Variants in SLC1A4 observed in about 807,000 individuals in gnomAD.
SLC1A4 encodes the protein solute carrier family 1 member 4, also known as neutral amino acid transporter A.
A neutral mutation model predicts 37.7 loss-of-function variants in SLC1A4; 19 were observed. The ratio of observed to expected loss-of-function variants is 0.50; its 90% CI spans 0.35 to 0.74. SLC1A4 has a LOEUF of 0.74. Ranked by LOEUF, SLC1A4 falls within the 30% of genes least tolerant of loss-of-function variation. SLC1A4 has a pLI of 0.01. For missense variants in SLC1A4, 570 were observed against 712.9 expected, an observed-to-expected ratio of 0.80 and a Z score of 2.28; for synonymous variants, 299 against 309.8, an observed-to-expected ratio of 0.97 and a Z score of 0.37.
In SLC1A4 at chr2:65,002,570, C is replaced by CTTTTTTTTTTTTTTTT. The variant is rs70937394; in HGVS notation, c.570+1090_570+1105dup. 4.2e-4 allele frequency among the ~76,000 whole-genome samples: 25 copies of CTTTTTTTTTTTTTTTT among 59,046 alleles called. 2 individuals are homozygous for CTTTTTTTTTTTTTTTT. Among genetic ancestry groups the CTTTTTTTTTTTTTTTT allele is most frequent in the South Asian group, 1.4e-3 (2 of 1,448 alleles). 38.7% of individuals were successfully genotyped at this position (59,046 alleles called of 152,430 possible). A position where few individuals can be genotyped will look rare whatever the true frequency, so the allele number is the denominator to read the frequency against. On this transcript the variant is annotated intron_variant, in intron 2 of 7. Transcript: ENST00000234256. ...TGCAAGTAACAGTCCTGTGACCATTCTTTTTTTTTTTTTTTTTTTTTTTTT... is the reference window on the plus strand; with the variant it reads ...TGCAAGTAACAGTCCTGTGACCATTCTTTTTTTTTTTTTTTTTTTTTTTTTTTTTTTTTTTTTTTTT...
At chr2:65,001,518 T>C in intron 2 of SLC1A4, 28 bp downstream of exon 2, 2 of 1,601,368 alleles carry the variant, frequency 1.2e-6, no homozygotes, top group Non-Finnish European at 1.7e-6. Flanking sequence ...GCTAAAAATA[T>C]GAAACTTTGA....
intron 1 of SLC1A4, among the ~76,000 whole-genome samples, chr2:64,998,504 C>T (rs1307447498): frequency 1.3e-5 from 2 of 151,730 alleles, no homozygotes; most frequent in African/African-American, 2.4e-5. Context: ...TGTCAAAACA[C>T]ATCACATTTT....
chr2:65,008,457 G>C (rs536296706), intron 3 of SLC1A4, among the ~76,000 whole-genome samples: 1 of 152,116 alleles, frequency 6.6e-6, no homozygotes. Flanking sequence ...GGGCAATTTA[G>C]GGAGATCCCA....
chr2:64,991,962 A>G (rs1399917126), intron 1 of SLC1A4, among the ~76,000 whole-genome samples: 1 of 152,186 alleles, frequency 6.6e-6, no homozygotes, highest in Non-Finnish European at 1.5e-5. Flanking sequence ...AGGCTGGTCT[A>G]GATCACAGCC....
At chr2:64,997,656 A>G (rs890593256) in intron 1 of SLC1A4, among the ~76,000 whole-genome samples, 1 of 152,076 alleles carries the variant, frequency 6.6e-6, no homozygotes, top group African/African-American at 2.4e-5. Context: ...GCTCCTTTTT[A>G]TTGCCAAGTG....
chr2:65,002,294 A>AATAAATAAATAAATAAATAAATAC (rs1673492658), intron 2 of SLC1A4, among the ~76,000 whole-genome samples: 1 of 151,268 alleles, frequency 6.6e-6, no homozygotes, highest in Non-Finnish European at 1.5e-5. Flanking sequence ...TAAATAAATA[A>AATAAATAAATAAATAAATAAATAC]ATAAATAAAT....
chr2:65,003,141 T>C (rs1409559290), intron 2 of SLC1A4, among the ~76,000 whole-genome samples: 1 of 152,168 alleles, frequency 6.6e-6, no homozygotes, highest in Non-Finnish European at 1.5e-5. Flanking sequence ...TGCCTTTCTG[T>C]AACACTGATA....
intron 4 of SLC1A4, chr2:65,011,464 C>T (rs1033958517): frequency 2.0e-5 from 3 of 150,932 alleles, no homozygotes; most frequent in African/African-American, 7.3e-5. Flanking sequence ...GACGGGGTTT[C>T]ACCATGTTGG....
rs1242661633 is a variant in SLC1A4, at chr2:64,990,093, C to T, written c.450C>T (p.Ser150=). The T allele has an allele frequency of 8.1e-6, 13 of 1,610,090 alleles. No individual in the cohort carries two copies. Among genetic ancestry groups the T allele is most frequent in the Non-Finnish European group, 1.1e-5 (13 of 1,178,504 alleles). The change falls in exon 1 of 8, where the codon TCC becomes TCT. Residue 150 remains serine (S), a synonymous_variant. Coordinates refer to ENST00000234256, the MANE Select transcript of SLC1A4 (RefSeq NM_003038.5). The part of the protein sequence containing the change: ...KPGSGAQTLQ[S]SDLGLEDSGP... ...GATCCGGTGCGCAGACCCTTCAGTC[C>T]AGCGACCTGGGGCTGGAGGACTCGG...
rs1216978453 is a variant in SLC1A4, at chr2:64,990,054, C to T, written c.411C>T (p.Phe137=). 2 of 1,607,438 alleles carry T rather than the reference C, an allele frequency of 1.2e-6. No homozygotes were observed. The highest frequency in any genetic ancestry group is 1.1e-5 in the South Asian group (1 of 89,644). The part of the protein sequence containing the change: ...SASALAVALA[F]IIKPGSGAQT... Reference sequence around the variant, plus strand: ...CGGCGCTCGCCGTGGCCTTGGCGTTCATCATCAAGCCAGGATCCGGTGCGC... The same window carrying T: ...CGGCGCTCGCCGTGGCCTTGGCGTTTATCATCAAGCCAGGATCCGGTGCGC... The change falls in exon 1 of 8, where the codon TTC becomes TTT. Residue 137 remains phenylalanine (F), a synonymous_variant. Coordinates refer to ENST00000234256, the MANE Select transcript of SLC1A4 (RefSeq NM_003038.5).
intron 3 of SLC1A4, among the ~76,000 whole-genome samples, chr2:65,005,670 T>G (rs1673643929): frequency 6.6e-6 from 1 of 151,060 alleles, no homozygotes; most frequent in Non-Finnish European, 1.5e-5. Flanking sequence ...CTTCCAAGGT[T>G]GATCAAGGCC....
chr2:65,021,140 T>C lies in SLC1A4; in HGVS notation c.1593T>C (p.Val531=), dbSNP rs1259983204. The C allele has an allele frequency of 6.2e-7, 1 of 1,613,338 alleles. No individual in the cohort carries two copies. ...SAPELESKES[V]L is the part of the protein sequence containing the mutation. ...CAGAACTGGAATCCAAGGAGTCGGT[T>C]CTGTGATGGGGCTGGGCTTTGGGCT... Residue 531 remains valine (V), a synonymous_variant, in exon 8 of 8, where the codon GTT becomes GTC. Coordinates refer to ENST00000234256, the MANE Select transcript of SLC1A4 (RefSeq NM_003038.5).
chr2:64,992,000 T>G (rs114897065), intron 1 of SLC1A4, among the ~76,000 whole-genome samples: 2 of 152,220 alleles, frequency 1.3e-5, no homozygotes, highest in Admixed American at 6.5e-5. Flanking sequence ...AGCTTGATAT[T>G]TGGAGTCCAG....
intron 1 of SLC1A4, among the ~76,000 whole-genome samples, chr2:64,997,481 C>T (rs1673299080): frequency 6.6e-6 from 1 of 152,154 alleles, no homozygotes; most frequent in Non-Finnish European, 1.5e-5. Flanking sequence ...CATTCTCCAC[C>T]CCTGGCCTCA....
At position 65,021,042 on chromosome 2, in the gene SLC1A4, A is replaced by G; in HGVS notation, c.1495A>G (p.Asn499Asp). Reference protein sequence around the residue: ...LAEVKVEAIPNCKSEEETSPL... With the variant: ...LAEVKVEAIPDCKSEEETSPL... ...TGAGGTGAAAGTGGAAGCCATCCCCAACTGCAAGTCTGAGGAGGAGACATC... is the reference window on the plus strand; with the variant it reads ...TGAGGTGAAAGTGGAAGCCATCCCCGACTGCAAGTCTGAGGAGGAGACATC... Residue 499 changes from asparagine to aspartate, a missense_variant, in exon 8 of 8, where the codon AAC (asparagine) becomes GAC (aspartate). Transcript: ENST00000234256. 1 of 1,614,226 alleles carries G rather than the reference A, an allele frequency of 6.2e-7. No homozygotes were observed. Among genetic ancestry groups the G allele is most frequent in the Non-Finnish European group, 8.5e-7 (1 of 1,180,030 alleles).
chr2:65,017,689 A>C (rs1371027049), intron 5 of SLC1A4, among the ~76,000 whole-genome samples: 9 of 152,208 alleles, frequency 5.9e-5, no homozygotes, highest in Admixed American at 5.9e-4. Context: ...AAGAAAAAAA[A>C]ATCATAGTTT....
chr2:65,020,387 C>T (rs1674366514), intron 7 of SLC1A4, among the ~76,000 whole-genome samples: 2 of 152,186 alleles, frequency 1.3e-5, no homozygotes, highest in African/African-American at 4.8e-5. Context: ...CCACCTCAGC[C>T]TCCTGAGTAG....
chr2:65,011,894 G>A (rs1429742338), intron 4 of SLC1A4, among the ~76,000 whole-genome samples: 5 of 151,508 alleles, frequency 3.3e-5, no homozygotes, highest in South Asian at 2.1e-4. Context: ...TCAGCCTCCC[G>A]AGTAGCTGGG....
Position 65,021,472 on chromosome 2 carries a change from C to A in SLC1A4, c.*326C>A. 3.2e-6 allele frequency: 1 copy of A among 313,928 alleles called. No homozygotes were observed. The highest frequency in any genetic ancestry group is 5.9e-6 in the Non-Finnish European group (1 of 168,930). The allele number at this position is 313,928 out of a possible 1,614,324, so 19.4% of individuals were successfully genotyped here. A position where few individuals can be genotyped will look rare whatever the true frequency, so the allele number is the denominator to read the frequency against. ...CTCACAGGGTCCTGTGTGGTTACATCTTGGAAAAAATGCAGATGTATTTCA... is the reference window on the plus strand; with the variant it reads ...CTCACAGGGTCCTGTGTGGTTACATATTGGAAAAAATGCAGATGTATTTCA... On this transcript the variant is annotated 3_prime_UTR_variant, in exon 8 of 8. Coordinates refer to ENST00000234256, the MANE Select transcript of SLC1A4 (RefSeq NM_003038.5).
Sources: allele counts gnomAD v4.1 joint callset (sites outside exome capture counted in the v4.1 genomes callset), GRCh38; gene constraint gnomAD v4.1.1; transcripts MANE v1.5; gene names NCBI Gene and HGNC (gene_info 2026-07-23, HGNC 2026-07-21).